ANKFN1: variants seen among roughly 807,000 people sequenced by gnomAD.
ANKFN1 encodes the protein ankyrin repeat and fibronectin type-III domain-containing protein 1.
ANKFN1 carries 74 observed loss-of-function variants against 108.7 expected under a neutral mutation model. That is an observed-to-expected ratio of 0.68 (90% CI 0.56 to 0.83). The LOEUF is 0.83. ANKFN1 is among the 40% of genes least tolerant of loss of function. The pLI, the probability that ANKFN1 is intolerant of heterozygous loss-of-function variation, is 0.00. For missense variants in ANKFN1, 1,505 were observed against 1,382.3 expected (o/e 1.09, Z -1.41); for synonymous variants, 547 against 516.2 (o/e 1.06, Z -0.81).
At chr17:56,249,021 T>C (rs2043177850) in intron 3 of ANKFN1, among the ~76,000 whole-genome samples, 1 of 152,154 alleles carries the variant, frequency 6.6e-6, no homozygotes, top group African/African-American at 2.4e-5. Context: ...CAGCTTAGAA[T>C]AGCGCTGAAA....
chr17:56,216,977 G>A (rs1257496148), intron 2 of ANKFN1, among the ~76,000 whole-genome samples: 1 of 152,194 alleles, frequency 6.6e-6, no homozygotes, highest in Non-Finnish European at 1.5e-5. Context: ...AGAAAGAGAA[G>A]ATGACAATGG....
At chr17:56,180,611 G>C (rs965784912) in intron 1 of ANKFN1, among the ~76,000 whole-genome samples, 3 of 152,152 alleles carry the variant, frequency 2.0e-5, no homozygotes, top group Admixed American at 6.5e-5. Context: ...CAATTATACT[G>C]TTTTCAATCC....
At chr17:56,125,628 C>T (rs1467757413) in intron 4 of ANKFN1, among the ~76,000 whole-genome samples, 1 of 152,172 alleles carries the variant, frequency 6.6e-6, no homozygotes, top group Non-Finnish European at 1.5e-5. Context: ...TGATAGTTTC[C>T]ATTTTACAAA....
At chr17:56,437,043 A>T (rs906721506) in intron 8 of ANKFN1, among the ~76,000 whole-genome samples, 4 of 152,138 alleles carry the variant, frequency 2.6e-5, no homozygotes, top group African/African-American at 9.7e-5. Context: ...AACATGGAGA[A>T]TTGTTTGCCT....
intron 4 of ANKFN1, among the ~76,000 whole-genome samples, chr17:56,132,134 T>C (rs1274308633): frequency 6.6e-6 from 1 of 152,218 alleles, no homozygotes; most frequent in African/African-American, 2.4e-5. Context: ...GCTACAAAGA[T>C]GATGTGCAGA....
At chr17:56,219,053 A>G (rs558254325) in intron 2 of ANKFN1, among the ~76,000 whole-genome samples, 1 of 152,292 alleles carries the variant, frequency 6.6e-6, no homozygotes, top group South Asian at 2.1e-4. Flanking sequence ...TAGACTGACT[A>G]CAAATGCCTC....
intron 14 of ANKFN1, 141 bp downstream of exon 14, chr17:56,458,120 G>C (rs2049776946): frequency 1.5e-6 from 1 of 685,074 alleles, no homozygotes; most frequent in South Asian, 2.0e-5. Flanking sequence ...TTCTTGAGCA[G>C]CTGGAGCTGC....
At chr17:56,399,178 C>A (rs1340264793) in intron 8 of ANKFN1, among the ~76,000 whole-genome samples, 1 of 151,952 alleles carries the variant, frequency 6.6e-6, no homozygotes, top group African/African-American at 2.4e-5. Flanking sequence ...TTATATCATG[C>A]CATAGTTAAC....
chr17:56,175,598 G>A (rs1324676777), intron 1 of ANKFN1, among the ~76,000 whole-genome samples: 3 of 152,166 alleles, frequency 2.0e-5, no homozygotes, highest in African/African-American at 4.8e-5. Flanking sequence ...AAGCGATGGT[G>A]AAGTCCAGAT....
rs2051726763 is a variant in ANKFN1 at position 56,510,784 on chromosome 17, A to G, written c.2956A>G (p.Thr986Ala). The G allele has an allele frequency of 6.5e-7, 1 of 1,535,678 alleles. No individual in the cohort carries two copies. The highest frequency in any genetic ancestry group is 1.4e-5 in the African/African-American group (1 of 72,934). ...TGFTPKNHAK[T>A]VSGGRPPLGF... ...GTTCACACCCAAGAACCACGCCAAG[A>G]CTGTGTCCGGTGGGCGGCCCCCGCT... The change falls in exon 21 of 21, where the codon ACT (threonine) becomes GCT (alanine). Residue 986 changes from threonine to alanine, a missense_variant. Thr to Ala is a moderately conservative substitution (Grantham distance 58). Transcript: ENST00000682825.
At chr17:56,140,522 C>A (rs530807029) in intron 4 of ANKFN1, among the ~76,000 whole-genome samples, 24 of 152,244 alleles carry the variant, frequency 1.6e-4, no homozygotes, top group Non-Finnish European at 2.8e-4. Flanking sequence ...TTCTAACCTG[C>A]CTTCAAAGTC....
At chr17:56,409,383 T>C (rs1050049239) in intron 8 of ANKFN1, among the ~76,000 whole-genome samples, 6 of 152,156 alleles carry the variant, frequency 3.9e-5, no homozygotes, top group Non-Finnish European at 5.9e-5. Flanking sequence ...TCCTGCTAAA[T>C]GCAACCAAAA....
intron 15 of ANKFN1, among the ~76,000 whole-genome samples, chr17:56,476,991 A>G (rs1350743471): frequency 6.6e-6 from 1 of 152,226 alleles, no homozygotes; most frequent in East Asian, 1.9e-4. Flanking sequence ...AAGATAAGGA[A>G]CCTACTTACT....
Position 56,121,698 on chromosome 17 carries a change from T to A in ANKFN1, c.288+75373T>A, listed in dbSNP as rs1906631259. Among the ~76,000 whole-genome samples, 3 of 152,172 alleles carry A rather than the reference T, an allele frequency of 2.0e-5. No individual in the cohort carries two copies. In the South Asian group the frequency reaches 6.2e-4, roughly 32 times the overall value. ...AGGTTGGACAGTTGTCTCCGCATAGTTATAGAAAAATATTTAGAGTTAGTC... is the reference window on the plus strand; with the variant it reads ...AGGTTGGACAGTTGTCTCCGCATAGATATAGAAAAATATTTAGAGTTAGTC... On this transcript the variant is annotated intron_variant, in intron 4 of 12. Transcript: ENST00000635860.
At chr17:56,365,442 A>G (rs1027696828) in intron 6 of ANKFN1, among the ~76,000 whole-genome samples, 3 of 152,222 alleles carry the variant, frequency 2.0e-5, no homozygotes, top group African/African-American at 4.8e-5. Context: ...AAAGATTATC[A>G]TTAATTTGTT....
At chr17:56,505,851 A>G (rs1406346170) in intron 20 of ANKFN1, among the ~76,000 whole-genome samples, 3 of 152,182 alleles carry the variant, frequency 2.0e-5, no homozygotes, top group Admixed American at 6.5e-5. Context: ...TCCAAACAGT[A>G]TGTTCTCACT....
intron 4 of ANKFN1, among the ~76,000 whole-genome samples, chr17:56,139,507 C>G (rs534651791): frequency 6.6e-6 from 1 of 152,008 alleles, no homozygotes; most frequent in Admixed American, 6.6e-5. Flanking sequence ...TTGTTTTTAC[C>G]GGCAGAGGTA....
chr17:56,050,243 G>A (rs1904751688), intron 4 of ANKFN1, among the ~76,000 whole-genome samples: 1 of 148,892 alleles, frequency 6.7e-6, no homozygotes, highest in Non-Finnish European at 1.5e-5. Flanking sequence ...GGGGTTGTTT[G>A]TTTTTTTCTT....
At position 56,378,720 on chromosome 17, in the gene ANKFN1, C is replaced by G. The variant is rs542872855; in HGVS notation, c.910+4006C>G. 2.0e-5 allele frequency among the ~76,000 whole-genome samples: 3 copies of G among 152,220 alleles called. No homozygotes were observed. The South Asian group carries it at 6.2e-4, about 32-fold the overall frequency. On this transcript the variant is annotated intron_variant, in intron 8 of 20. Coordinates refer to ENST00000682825, the MANE Select transcript of ANKFN1 (RefSeq NM_001370326.1). The stretch of plus-strand genomic sequence containing the variant: ...CGAGGAGGAGCAGGAAATGTTACGT[C>G]CAGAGGACATGAAACTTAGTGGATT...
Sources: allele counts gnomAD v4.1 joint callset (sites outside exome capture counted in the v4.1 genomes callset), GRCh38; gene constraint gnomAD v4.1.1; transcripts MANE v1.5; gene names NCBI Gene and HGNC (gene_info 2026-07-23, HGNC 2026-07-21).